Variants in CPXM2 observed in about 807,000 individuals in gnomAD.
CPXM2 encodes carboxypeptidase X, M14 family member 2.
In CPXM2, 66 loss-of-function variants were observed where a neutral mutation model predicts 86.1. That is an observed-to-expected ratio of 0.77 (90% CI 0.63 to 0.94). CPXM2 has a LOEUF of 0.94. Among genes scored for constraint, CPXM2 ranks in the 40% least tolerant of loss-of-function variants. The pLI is 0.00. For missense variants in CPXM2, 948 were observed against 1,026.3 expected (o/e 0.92, Z 1.04); for synonymous variants, 388 against 400.2 (o/e 0.97, Z 0.36).
At chr10:123,879,864 G>A (rs1945051973) in intron 2 of CPXM2, among the ~76,000 whole-genome samples, 1 of 152,200 alleles carries the variant, frequency 6.6e-6, no homozygotes, top group Non-Finnish European at 1.5e-5. Flanking sequence ...AATGCACACT[G>A]AAGGCCATGG....
intron 2 of CPXM2, among the ~76,000 whole-genome samples, chr10:123,928,017 C>T (rs1417487949): frequency 6.6e-6 from 1 of 152,212 alleles, no homozygotes; most frequent in African/African-American, 2.4e-5. Flanking sequence ...TCATGAGTGT[C>T]AATGCCCACA....
chr10:123,835,820 C>T (rs941774318), intron 4 of CPXM2, among the ~76,000 whole-genome samples: 1 of 152,204 alleles, frequency 6.6e-6, no homozygotes, highest in African/African-American at 2.4e-5. Flanking sequence ...GGCCCAGGTC[C>T]CTTGGGAGGA....
chr10:123,818,672 C>A (rs1021110063), intron 4 of CPXM2, among the ~76,000 whole-genome samples: 13 of 152,202 alleles, frequency 8.5e-5, no homozygotes, highest in African/African-American at 3.1e-4. Context: ...TGGGCTCCTG[C>A]TCATGGAATT....
chr10:123,897,157 C>T (rs1945344716), intron 2 of CPXM2, among the ~76,000 whole-genome samples: 1 of 151,606 alleles, frequency 6.6e-6, no homozygotes, highest in Non-Finnish European at 1.5e-5. Context: ...CCCTGCAGTC[C>T]TATGGAGGGA....
At chr10:123,932,633 T>A (rs576548953) in intron 2 of CPXM2, among the ~76,000 whole-genome samples, 41 of 152,194 alleles carry the variant, frequency 2.7e-4, no homozygotes, top group Admixed American at 8.5e-4. Flanking sequence ...CTCAACAGCA[T>A]CTACTTAAAG....
intron 4 of CPXM2, among the ~76,000 whole-genome samples, chr10:123,809,711 A>AAG (rs762344927): frequency 0.059 from 8,987 of 152,178 alleles, 310 homozygotes; most frequent in South Asian, 0.1. Context: ...GTATCCTATT[A>AAG]TTGTTAAGGA....
At chr10:123,761,545 T>A (rs917272641) in intron 11 of CPXM2, among the ~76,000 whole-genome samples, 3 of 152,192 alleles carry the variant, frequency 2.0e-5, no homozygotes, top group Non-Finnish European at 4.4e-5. Context: ...TACCCATCTC[T>A]AACCCTATCA....
chr10:123,880,272 G>A lies in CPXM2; in HGVS notation c.342C>T (p.Ser114=). 2 of 1,599,162 alleles carry A rather than the reference G, an allele frequency of 1.3e-6. No individual in the cohort carries two copies. The highest frequency in any genetic ancestry group is 1.7e-6 in the Non-Finnish European group (2 of 1,166,514). Residue 114 remains serine (S), a synonymous_variant, in exon 2 of 14, where the codon AGC becomes AGT. Transcript: ENST00000241305. The stretch of plus-strand genomic sequence containing the variant: ...GATCATCGTTGGCAGCCTTCTCAGA[G>A]CTCTTGGTTCTCATAACTTTTTTGT... ...HSNKKVMRTK[S]SEKAANDDHS... is the part of the protein sequence containing the mutation.
intron 4 of CPXM2, among the ~76,000 whole-genome samples, chr10:123,799,542 T>A (rs1050851304): frequency 6.6e-6 from 1 of 152,200 alleles, no homozygotes; most frequent in African/African-American, 2.4e-5. Context: ...TACGTAACTG[T>A]TTGCACTGAA....
chr10:123,824,991 A>C (rs1292954909), intron 4 of CPXM2, among the ~76,000 whole-genome samples: 1 of 152,134 alleles, frequency 6.6e-6, no homozygotes, highest in Non-Finnish European at 1.5e-5. Context: ...TTGAAAGTCT[A>C]CCTTTCTCTC....
At chr10:123,771,541 G>C (rs775083140) in intron 7 of CPXM2, among the ~76,000 whole-genome samples, 2 of 152,098 alleles carry the variant, frequency 1.3e-5, no homozygotes, top group Non-Finnish European at 2.9e-5. Flanking sequence ...CCAGACCCTA[G>C]ATCTGCCAGT....
At chr10:123,880,145 T>TGGGCCCCCCCCCCCCCCCC in intron 2 of CPXM2, 66 bp downstream of exon 2, 1 of 407,580 alleles carries the variant, frequency 2.5e-6, no homozygotes, top group East Asian at 4.9e-5. Context: ...CAGGGGCCTG[T>TGGGCCCCCCCCCCCCCCCC]ACCCACCCAC....
intron 4 of CPXM2, among the ~76,000 whole-genome samples, chr10:123,819,320 G>T (rs1484113326): frequency 6.6e-6 from 1 of 152,168 alleles, no homozygotes; most frequent in Non-Finnish European, 1.5e-5. Context: ...CTACAAGTGG[G>T]CCAGACCCTT....
intron 2 of CPXM2, chr10:123,913,892 TCTGGAAG>T: frequency 2.4e-6 from 1 of 417,548 alleles, no homozygotes; most frequent in Non-Finnish European, 4.9e-6. Flanking sequence ...CCTCCCAGGC[TCTGGAAG>T]CTGGAAGCTG....
chr10:123,752,997 C>T (rs1473880296), intron 13 of CPXM2, among the ~76,000 whole-genome samples: 1 of 152,080 alleles, frequency 6.6e-6, no homozygotes, highest in Non-Finnish European at 1.5e-5. Context: ...GGGGAAGGGA[C>T]AAAGTTGGGG....
intron 2 of CPXM2, among the ~76,000 whole-genome samples, chr10:123,897,444 C>T (rs1038700752): frequency 7.2e-5 from 11 of 152,078 alleles, no homozygotes; most frequent in Admixed American, 1.3e-4. Context: ...CAGTTGAACC[C>T]CCAACTGTTT....
At chr10:123,758,161 T>C (rs1846257173) in intron 11 of CPXM2, among the ~76,000 whole-genome samples, 1 of 152,176 alleles carries the variant, frequency 6.6e-6, no homozygotes, top group Non-Finnish European at 1.5e-5. Flanking sequence ...GCCTAATGTG[T>C]AGTCGGTGTC....
At chr10:123,761,755 C>T in intron 11 of CPXM2, 117 bp downstream of exon 11, 2 of 995,402 alleles carry the variant, frequency 2.0e-6, no homozygotes, top group Non-Finnish European at 3.0e-6. Flanking sequence ...AAGTGCTCCA[C>T]CGTGGCAGCC....
At chr10:123,863,913 C>T (rs1038108617) in intron 2 of CPXM2, among the ~76,000 whole-genome samples, 1 of 152,198 alleles carries the variant, frequency 6.6e-6, no homozygotes, top group African/African-American at 2.4e-5. Context: ...TCACAGTCCC[C>T]AGCGGTCACT....
Sources: gnomAD v4.1 joint callset for allele counts (sites outside exome capture counted in the v4.1 genomes callset) on GRCh38, gnomAD v4.1.1 for gene constraint, MANE v1.5 for transcripts, NCBI Gene and HGNC (gene_info 2026-07-23, HGNC 2026-07-21) for gene names.